APBB2: variants seen among roughly 807,000 people sequenced by gnomAD.
APBB2 encodes the protein Fe65-like 1.
Under a neutral mutation model 82.5 loss-of-function variants are expected in APBB2, and 38 were observed. The observed-to-expected ratio is 0.46, with a 90% CI of 0.36 to 0.60. APBB2 has a LOEUF of 0.60. Ranked by LOEUF, APBB2 falls within the 20% of genes least tolerant of loss-of-function variation. APBB2 has a pLI of 0.00. For missense variants in APBB2, 772 were observed against 972.3 expected (o/e 0.79, Z 2.74); for synonymous variants, 341 against 368.2 (o/e 0.93, Z 0.85).
intron 6 of APBB2, among the ~76,000 whole-genome samples, chr4:40,999,734 C>T (rs961861568): frequency 6.6e-6 from 1 of 152,184 alleles, no homozygotes; most frequent in Non-Finnish European, 1.5e-5. Flanking sequence ...CATACTCCTG[C>T]ATAGTTTGAG....
intron 4 of APBB2, among the ~76,000 whole-genome samples, chr4:41,043,145 C>T (rs1722158782): frequency 6.6e-6 from 1 of 152,108 alleles, no homozygotes; most frequent in Admixed American, 6.6e-5. Flanking sequence ...AGCATTTATA[C>T]TTTGCATATT....
intron 6 of APBB2, among the ~76,000 whole-genome samples, chr4:40,964,776 A>ACACACACACACACACAC (rs1553884405): frequency 4.7e-4 from 71 of 150,594 alleles, no homozygotes; most frequent in African/African-American, 1.6e-3. Context: ...ACACACACAC[A>ACACACACACACACACAC]ACAATGCACA....
intron 3 of APBB2, among the ~76,000 whole-genome samples, chr4:41,082,554 C>T (rs540026393): frequency 2.0e-5 from 3 of 148,192 alleles, no homozygotes; most frequent in Non-Finnish European, 3.0e-5. Flanking sequence ...GAGGCTTCTA[C>T]AAAGTTATGT....
chr4:40,828,467 C>T (rs1432554272), intron 13 of APBB2, among the ~76,000 whole-genome samples: 3 of 152,172 alleles, frequency 2.0e-5, no homozygotes, highest in Non-Finnish European at 4.4e-5. Flanking sequence ...CCCAGGGCAG[C>T]GAGCAAGAGG....
At chr4:40,914,621 A>G (rs1779401449) in intron 10 of APBB2, among the ~76,000 whole-genome samples, 1 of 152,184 alleles carries the variant, frequency 6.6e-6, no homozygotes, top group South Asian at 2.1e-4. Flanking sequence ...AACACATAAA[A>G]CAAGGCTAGA....
At chr4:41,016,871 T>A (rs894876141) in intron 5 of APBB2, among the ~76,000 whole-genome samples, 1 of 152,128 alleles carries the variant, frequency 6.6e-6, no homozygotes, top group Admixed American at 6.5e-5. Context: ...TACGTACTTA[T>A]TACTTTTGAG....
chr4:40,907,371 ATATATATATTTT>A (rs1439695583), intron 10 of APBB2, among the ~76,000 whole-genome samples: 2,276 of 42,522 alleles, frequency 0.054, 74 homozygotes, highest in East Asian at 0.37. Flanking sequence ...ATATATATAT[ATATATATATTTT>A]TTTTTTTTTT....
intron 10 of APBB2, among the ~76,000 whole-genome samples, chr4:40,927,670 C>G (rs768661730): frequency 6.6e-5 from 10 of 152,070 alleles, no homozygotes; most frequent in Non-Finnish European, 1.5e-4. Context: ...TTTGTAGAGA[C>G]AGGGTTTCAC....
intron 1 of APBB2, among the ~76,000 whole-genome samples, chr4:41,178,644 T>C (rs1049210553): frequency 2.6e-5 from 4 of 152,196 alleles, no homozygotes; most frequent in Non-Finnish European, 4.4e-5. Context: ...AATATGGATG[T>C]CCCTTGAGGG....
intron 10 of APBB2, among the ~76,000 whole-genome samples, chr4:40,922,064 T>G (rs931118861): frequency 2.6e-5 from 4 of 152,194 alleles, no homozygotes; most frequent in African/African-American, 9.7e-5. Flanking sequence ...ATTCAACAAC[T>G]AAATACACCT....
intron 12 of APBB2, among the ~76,000 whole-genome samples, chr4:40,835,388 C>T (rs1023700475): frequency 6.6e-6 from 1 of 152,136 alleles, no homozygotes; most frequent in Non-Finnish European, 1.5e-5. Context: ...CTTGCAAGCC[C>T]GTCTAATGTT....
chr4:40,856,891 G>T, intron 12 of APBB2: 1 of 949,252 alleles, frequency 1.1e-6, no homozygotes, highest in East Asian at 1.2e-4. Flanking sequence ...CTCGGGGAAG[G>T]GAGGGCGCAG....
chr4:40,917,825 A>T (rs1461612808), intron 10 of APBB2, among the ~76,000 whole-genome samples: 1 of 152,240 alleles, frequency 6.6e-6, no homozygotes, highest in Non-Finnish European at 1.5e-5. Context: ...ATGTTAAAAC[A>T]AGGAATCCTC....
chr4:41,108,736 G>A (rs1047460789), intron 2 of APBB2, among the ~76,000 whole-genome samples: 6 of 152,164 alleles, frequency 3.9e-5, no homozygotes, highest in African/African-American at 7.2e-5. Context: ...TCTGACACAC[G>A]CACCCAGGCC....
At chr4:41,104,711 C>T (rs1278509761) in intron 2 of APBB2, among the ~76,000 whole-genome samples, 4 of 152,168 alleles carry the variant, frequency 2.6e-5, no homozygotes, top group Non-Finnish European at 5.9e-5. Flanking sequence ...TCCATACATA[C>T]TCAATGTTTA....
chr4:40,907,371 ATATATATATTTTTTT>A (rs1168488248), intron 10 of APBB2, among the ~76,000 whole-genome samples: 12 of 43,100 alleles, frequency 2.8e-4, no homozygotes, highest in Middle Eastern at 9.1e-3. Context: ...ATATATATAT[ATATATATATTTTTTT>A]TTTTTTTTTT....
intron 2 of APBB2, among the ~76,000 whole-genome samples, chr4:41,110,369 C>T (rs1748752440): frequency 6.6e-6 from 1 of 152,108 alleles, no homozygotes; most frequent in African/African-American, 2.4e-5. Flanking sequence ...CTTTGGGAGA[C>T]TGAGGAGGGT....
chr4:41,005,793 A>C (rs2154424400), intron 6 of APBB2, among the ~76,000 whole-genome samples: 1 of 152,342 alleles, frequency 6.6e-6, no homozygotes, highest in African/African-American at 2.4e-5. Flanking sequence ...AAAAAGAAAG[A>C]TTTTTTACTT....
chr4:41,174,746 T>C (rs1769301144), intron 1 of APBB2, among the ~76,000 whole-genome samples: 1 of 152,190 alleles, frequency 6.6e-6, no homozygotes, highest in Non-Finnish European at 1.5e-5. Context: ...AAGAACTACG[T>C]GACCACATAT....
Sources: allele counts gnomAD v4.1 joint callset (sites outside exome capture counted in the v4.1 genomes callset), GRCh38; gene constraint gnomAD v4.1.1; transcripts MANE v1.5; gene names NCBI Gene and HGNC (gene_info 2026-07-23, HGNC 2026-07-21).